SGSM1: variants seen among roughly 807,000 people sequenced by gnomAD.
SGSM1 encodes RUN and TBC1 domain containing 2.
SGSM1 carries 73 observed loss-of-function variants against 133.8 expected under a neutral mutation model. The ratio of observed to expected loss-of-function variants is 0.55; its 90% confidence interval spans 0.45 to 0.66. The LOEUF is 0.66. Ranked by LOEUF, SGSM1 falls within the 30% of genes least tolerant of loss-of-function variation. SGSM1 has a pLI of 0.00. For missense variants in SGSM1, 1,213 were observed against 1,448.1 expected, an observed-to-expected ratio of 0.84 and a Z score of 2.64; for synonymous variants, 563 against 573.0, an observed-to-expected ratio of 0.98 and a Z score of 0.25.
chr22:24,816,688 C>A (rs762726095), intron 2 of SGSM1, among the ~76,000 whole-genome samples: 37 of 152,200 alleles, frequency 2.4e-4, no homozygotes, highest in Admixed American at 1.5e-3. Context: ...AAATTGATTT[C>A]TTGGTTTAAG....
chr22:24,914,240 C>A (rs12163262), intron 22 of SGSM1, among the ~76,000 whole-genome samples: 14 of 145,622 alleles, frequency 9.6e-5, no homozygotes, highest in Non-Finnish European at 1.8e-4. Flanking sequence ...TTGCAGTGAG[C>A]TGAGATGGCG....
rs202233643 is a variant in SGSM1, at chr22:24,898,280, C to T, written c.2331C>T (p.Ala777=). The change falls in exon 19 of 25, where the codon GCC becomes GCT. Residue 777 remains alanine (A), a synonymous_variant. Coordinates refer to ENST00000400358, the MANE Select transcript of SGSM1 (RefSeq NM_001098497.3). ...ATGAGGCTCCCCGGGAGGAGCTGGC[C>T]GTGCAGGACAGCCTGGAGAGTGACC... ...SQDEAPREEL[A]VQDSLESDLL... 37 of 1,613,838 alleles carry T rather than the reference C, an allele frequency of 2.3e-5. No individual in the cohort carries two copies. Among genetic ancestry groups the T allele is most frequent in the Admixed American group, 1.2e-4 (7 of 60,012 alleles).
At chr22:24,877,064 G>A (rs115018430) in intron 13 of SGSM1, among the ~76,000 whole-genome samples, 1,754 of 152,288 alleles carry the variant, frequency 0.012, 16 homozygotes, top group African/African-American at 0.04. Context: ...AATGTTGCCA[G>A]TTACAATGAC....
intron 16 of SGSM1, among the ~76,000 whole-genome samples, chr22:24,890,469 C>G (rs1932796006): frequency 6.6e-6 from 1 of 152,172 alleles, no homozygotes. Flanking sequence ...AACACTGACA[C>G]AATACAACTA....
At chr22:24,902,028 C>T (rs1484337734) in intron 20 of SGSM1, 71 bp downstream of exon 20, 2 of 1,450,812 alleles carry the variant, frequency 1.4e-6, no homozygotes, top group Admixed American at 2.0e-5. Context: ...TGTAGGGGGC[C>T]CGCCTAGAAG....
At chr22:24,866,143 G>A (rs1239347291) in intron 9 of SGSM1, among the ~76,000 whole-genome samples, 1 of 152,154 alleles carries the variant, frequency 6.6e-6, no homozygotes, top group Non-Finnish European at 1.5e-5. Context: ...TTTGTTTCAG[G>A]ACAGCAGCAA....
chr22:24,817,851 T>G (rs541763051), intron 2 of SGSM1, among the ~76,000 whole-genome samples: 1 of 152,322 alleles, frequency 6.6e-6, no homozygotes, highest in East Asian at 1.9e-4. Flanking sequence ...GGTGAGGGCC[T>G]TCTTCCTTTT....
At chr22:24,903,975 CAAAAAGAA>C (rs1413860127) in intron 20 of SGSM1, among the ~76,000 whole-genome samples, 5 of 90,216 alleles carry the variant, frequency 5.5e-5, no homozygotes, top group Non-Finnish European at 6.7e-5. Context: ...TCTGTCTCAA[CAAAAAGAA>C]AAAAAAAAAA....
Position 24,867,150 on chromosome 22 carries a change from C to A in SGSM1, c.984C>A (p.Cys328Ter). The change falls in exon 10 of 25, where the codon TGC (cysteine) becomes TGA (stop). Residue 328 changes from cysteine to a stop codon, truncating the protein, a stop_gained. Coordinates refer to ENST00000400358, the MANE Select transcript of SGSM1 (RefSeq NM_001098497.3). LOFTEE classifies it high-confidence loss of function. ...IRLEEIVYLH[C>*]HQQVDSGGTV... ...TGGAGGAGATTGTCTACCTGCACTG[C>A]CACCAGCAAGGTAGGGACTGTGGGG... 1 of 1,613,802 alleles carries A rather than the reference C, an allele frequency of 6.2e-7. No individual in the cohort carries two copies. The highest frequency in any genetic ancestry group is 8.5e-7 in the Non-Finnish European group (1 of 1,179,836).
At chr22:24,866,275 A>G (rs1931451893) in intron 9 of SGSM1, among the ~76,000 whole-genome samples, 1 of 152,214 alleles carries the variant, frequency 6.6e-6, no homozygotes, top group Non-Finnish European at 1.5e-5. Flanking sequence ...TAATTCTCAC[A>G]GCAACACAAT....
At chr22:24,923,849 C>G (rs529407783) in intron 24 of SGSM1, among the ~76,000 whole-genome samples, 1 of 152,200 alleles carries the variant, frequency 6.6e-6, no homozygotes, top group South Asian at 2.1e-4. Flanking sequence ...CTCAAACTCC[C>G]GACCTCAGGT....
At position 24,926,722 on chromosome 22, in the gene SGSM1, G is replaced by C. The variant is rs763064698; in HGVS notation, c.*2448G>C. 1 of 152,184 alleles carries C rather than the reference G, an allele frequency of 6.6e-6. No homozygotes were observed. 9.4% of individuals were successfully genotyped at this position (152,184 alleles called of 1,614,324 possible). ...GTTTCTGTGTCCTGGAATTGGATGC[G>C]TGGGACTCGTTCTGTCCGCGGAGTG... On this transcript the variant is annotated 3_prime_UTR_variant, in exon 25 of 25. Coordinates refer to ENST00000400358, the MANE Select transcript of SGSM1 (RefSeq NM_001098497.3).
rs1055170778 is a variant in SGSM1 at position 24,925,887 on chromosome 22, G to A, written c.*1613G>A. On this transcript the variant is annotated 3_prime_UTR_variant, in exon 25 of 25. Coordinates refer to ENST00000400358, the MANE Select transcript of SGSM1 (RefSeq NM_001098497.3). ...GTATCACCAATCCACAAACAGACCC[G>A]AAGTGAACTAGTTTACTCTGCCTAC... 2 of 152,306 alleles carry A rather than the reference G, an allele frequency of 1.3e-5. No homozygotes were observed. Among genetic ancestry groups the A allele is most frequent in the African/African-American group, 2.4e-5 (1 of 41,550 alleles). 9.4% of individuals were successfully genotyped at this position (152,306 alleles called of 1,614,324 possible).
chr22:24,814,269 AAAAACAAAACAAAAC>A (rs148204768), intron 2 of SGSM1: 3 of 150,620 alleles, frequency 2.0e-5, no homozygotes, highest in South Asian at 2.1e-4. Flanking sequence ...TAAAGATTAA[AAAAACAAAACAAAAC>A]AAAACAAAAC....
chr22:24,923,151 AAAG>A (rs1422886513), intron 24 of SGSM1, among the ~76,000 whole-genome samples: 1 of 152,142 alleles, frequency 6.6e-6, no homozygotes, highest in Non-Finnish European at 1.5e-5. Flanking sequence ...AAAGAAAAAA[AAAG>A]AAGAAAGTTA....
chr22:24,902,371 G>A (rs1372089047), intron 20 of SGSM1, among the ~76,000 whole-genome samples: 1 of 152,112 alleles, frequency 6.6e-6, no homozygotes, highest in Non-Finnish European at 1.5e-5. Context: ...GGTTATTACT[G>A]TTCACTAAAA....
rs556379958 is a variant in SGSM1, at chr22:24,911,882, G to A, written c.2819-761G>A. ...ATTCTGGCTAACACGGTGAAACCCC[G>A]TCTCTACTAAAAAGACAAAAAAATT... On this transcript the variant is annotated intron_variant, in intron 21 of 24. Transcript: ENST00000400358. Among the ~76,000 whole-genome samples the A allele has an allele frequency of 1.4e-4, 21 of 152,016 alleles. No individual in the cohort carries two copies. In the East Asian group the frequency reaches 1.7e-3, roughly 13 times the overall value.
chr22:24,912,320 G>A (rs1466664782), intron 21 of SGSM1, among the ~76,000 whole-genome samples: 2 of 152,188 alleles, frequency 1.3e-5, no homozygotes, highest in Non-Finnish European at 2.9e-5. Context: ...GAAACCACGT[G>A]TGGGGTGCAT....
chr22:24,902,271 C>T (rs565360463), intron 20 of SGSM1, among the ~76,000 whole-genome samples: 3 of 152,320 alleles, frequency 2.0e-5, no homozygotes, highest in South Asian at 2.1e-4. Context: ...GAGTGGGCAT[C>T]GGGCAGTGGC....
Sources: gnomAD v4.1 joint callset for allele counts (sites outside exome capture counted in the v4.1 genomes callset) on GRCh38, gnomAD v4.1.1 for gene constraint, MANE v1.5 for transcripts, NCBI Gene and HGNC (gene_info 2026-07-23, HGNC 2026-07-21) for gene names.